The following VWF variants were observed in gnomAD, a reference collection of about 807,000 sequenced individuals.
The protein encoded by VWF is von Willebrand factor.
In VWF, 176 loss-of-function variants were observed where a neutral mutation model predicts 308.6. The ratio of observed to expected loss-of-function variants is 0.57; its 90% CI spans 0.50 to 0.65. VWF has a LOEUF of 0.65. VWF is among the 30% of genes least tolerant of loss of function. VWF has a pLI of 0.00. For synonymous variants in VWF, 1,385 were observed against 1,443.4 expected (o/e 0.96, Z 0.92); for missense variants, 3,146 against 3,648.2 (o/e 0.86, Z 3.55).
Position 5,993,976 on chromosome 12 carries a change from T to C in VWF, c.6484A>G (p.Ile2162Val), listed in dbSNP as rs757791706. The C allele has an allele frequency of 1.9e-6, 3 of 1,614,174 alleles. No homozygotes were observed. The highest frequency in any genetic ancestry group is 1.7e-6 in the Non-Finnish European group (2 of 1,180,030). ...TGGTGGCAACTGTCCTGCTGGCAGA[T>C]GGCATAGAATGTGGCTGGAGCCAGG... The part of the protein sequence containing the change: ...KVLAPATFYA[I>V]CQQDSCHQEQ... The change falls in exon 37 of 52, where the codon ATC becomes GTC. Residue 2162 changes from isoleucine (I) to valine (V), a missense_variant. Physicochemically the swap from Ile to Val is conservative, Grantham distance 29. This residue lies in a region of VWF where 989 missense variants were observed against 1,117.4 expected (regional missense o/e 0.89). Coordinates refer to ENST00000261405, the MANE Select transcript of VWF (RefSeq NM_000552.5).
intron 5 of VWF, among the ~76,000 whole-genome samples, chr12:6,108,881 T>C (rs905641057): frequency 4.0e-5 from 6 of 149,830 alleles, no homozygotes; most frequent in Non-Finnish European, 8.8e-5. Flanking sequence ...CTCGGAAGGC[T>C]GAGGCAGGAG....
Position 5,992,006 on chromosome 12 carries a change from G to A in VWF, c.6611C>T (p.Pro2204Leu), listed in dbSNP as rs777556669. 1.2e-5 allele frequency: 20 copies of A among 1,614,116 alleles called. No individual in the cohort carries two copies. The highest frequency in any genetic ancestry group is 1.6e-4 in the Middle Eastern group (1 of 6,062). The change falls in exon 38 of 52, where the codon CCA becomes CTA. Residue 2204 changes from proline (P) to leucine (L), a missense_variant. By Grantham distance (98) the Pro-to-Leu change is moderately conservative (BLOSUM62 -3). Coordinates refer to ENST00000261405, the MANE Select transcript of VWF (RefSeq NM_000552.5). ...RTPDFCAMSCPPSLVYNHCEH... is the reference protein window; with the variant it reads ...RTPDFCAMSCLPSLVYNHCEH... ...ACAGTGGTTGTAGACCAGAGATGGTGGGCATGACATAGCTGTAGACAGAGA... is the reference window on the plus strand; with the variant it reads ...ACAGTGGTTGTAGACCAGAGATGGTAGGCATGACATAGCTGTAGACAGAGA...
At chr12:6,079,650 T>C (rs1416987486) in intron 6 of VWF, among the ~76,000 whole-genome samples, 1 of 151,612 alleles carries the variant, frequency 6.6e-6, no homozygotes, top group Non-Finnish European at 1.5e-5. Context: ...AGTTGGCGTC[T>C]TGTACTCTCA....
intron 34 of VWF, among the ~76,000 whole-genome samples, chr12:6,003,720 A>T (rs1022279920): frequency 2.6e-5 from 4 of 152,110 alleles, no homozygotes; most frequent in Non-Finnish European, 4.4e-5. Flanking sequence ...ATCATTGTCT[A>T]ATGAATAAAG....
rs566901832 is a variant in VWF, at chr12:6,061,711, T to C, written c.1533+1243A>G. On this transcript the variant is annotated intron_variant, in intron 13 of 51. Coordinates refer to ENST00000261405, the MANE Select transcript of VWF (RefSeq NM_000552.5). ...CGCAGTGGTTCTCAAAGTGTGGTCT[T>C]GAGACCCATAGGGGTCCCTGAGACT... Among the ~76,000 whole-genome samples, 3 of 152,322 alleles carry C rather than the reference T, an allele frequency of 2.0e-5. No homozygotes were observed. The East Asian group carries it at 5.8e-4, about 29-fold the overall frequency.
At position 6,041,162 on chromosome 12, in the gene VWF, G is replaced by C. The variant is rs188909186; in HGVS notation, c.2442+3129C>G. Among the ~76,000 whole-genome samples, 237 of 152,208 alleles carry C rather than the reference G, an allele frequency of 1.6e-3. 2 individuals are homozygous for C. Among genetic ancestry groups the C allele is most frequent in the African/African-American group, 5.3e-3 (222 of 41,562 alleles). On this transcript the variant is annotated intron_variant, in intron 18 of 51. Transcript: ENST00000261405. ...ACATTTTTTAAGGCCGGGCATGGTGGCTCACACCTGTAATCCCAGCACTTT... is the reference window on the plus strand; with the variant it reads ...ACATTTTTTAAGGCCGGGCATGGTGCCTCACACCTGTAATCCCAGCACTTT...
intron 35 of VWF, 138 bp downstream of exon 35, chr12:5,995,864 G>T: frequency 1.3e-6 from 1 of 786,966 alleles, no homozygotes; most frequent in Non-Finnish European, 2.1e-6. Flanking sequence ...CTCTAAGAAA[G>T]TGGTACTCCT....
rs142933549 is a variant in VWF, at chr12:6,044,659, T to C, written c.2282-208A>G. 5.4e-3 allele frequency among the ~76,000 whole-genome samples: 826 copies of C among 152,284 alleles called. 8 individuals carry two copies. Among genetic ancestry groups the C allele is most frequent in the African/African-American group, 0.019 (780 of 41,532 alleles). On this transcript the variant is annotated intron_variant, in intron 17 of 51. Transcript: ENST00000261405. Reference sequence around the variant, plus strand: ...CTGGGCTTCTGACCTCTGGCTTACATTGGTGGCAGCTCTTCTGACCCCAGC... The same window carrying C: ...CTGGGCTTCTGACCTCTGGCTTACACTGGTGGCAGCTCTTCTGACCCCAGC...
chr12:6,095,671 T>G, intron 5 of VWF, 87 bp from the exon 6 acceptor site: 1 of 1,592,816 alleles, frequency 6.3e-7, no homozygotes. Flanking sequence ...GCTGGTGGTT[T>G]TGTGTGTTTT....
At chr12:6,072,870 C>CTTT (rs11386491) in intron 8 of VWF, among the ~76,000 whole-genome samples, 5 of 146,432 alleles carry the variant, frequency 3.4e-5, no homozygotes, top group East Asian at 2.0e-4. Flanking sequence ...CTCTCAATAA[C>CTTT]TTTTTTTTTT....
Position 5,949,874 on chromosome 12 carries a change from G to T in VWF, c.8165C>A (p.Pro2722His). Reference sequence around the variant, plus strand: ...CCTGGCAGTGATGTCGTTGCACTCAGGCTCCTCACCTACAGGACAGGTGAG... The same window carrying T: ...CCTGGCAGTGATGTCGTTGCACTCATGCTCCTCACCTACAGGACAGGTGAG... ...PGTCCDTCEEPECNDITARLQ... is the reference protein window; with the variant it reads ...PGTCCDTCEEHECNDITARLQ... Residue 2722 changes from proline (P) to histidine (H), a missense_variant, in exon 51 of 52, where the codon CCT (proline) becomes CAT (histidine). Physicochemically the swap from Pro to His is moderately conservative, Grantham distance 77 (BLOSUM62 -2). Coordinates refer to ENST00000261405, the MANE Select transcript of VWF (RefSeq NM_000552.5). The T allele has an allele frequency of 6.2e-7, 1 of 1,613,536 alleles. No individual in the cohort carries two copies. Among genetic ancestry groups the T allele is most frequent in the Non-Finnish European group, 8.5e-7 (1 of 1,180,014 alleles).
Position 5,991,741 on chromosome 12 carries a change from CA to C in VWF, c.6798+77del, listed in dbSNP as rs562203346. On this transcript the variant is annotated intron_variant, in intron 38 of 51. Coordinates refer to ENST00000261405, the MANE Select transcript of VWF (RefSeq NM_000552.5). ...CCCTGCTGCCACAGTTGGAAGAGGCCAATCACTGGTGAACATATCTCCCTTT... is the reference window on the plus strand; with the variant it reads ...CCCTGCTGCCACAGTTGGAAGAGGCCATCACTGGTGAACATATCTCCCTTT... The C allele has an allele frequency of 4.7e-5, 70 of 1,505,346 alleles. No individual in the cohort carries two copies. In the East Asian group the frequency reaches 1.6e-3, roughly 33 times the overall value. 93.2% of individuals were successfully genotyped at this position (1,505,346 alleles called of 1,614,324 possible).
intron 17 of VWF, among the ~76,000 whole-genome samples, 184 bp from the exon 18 acceptor site, chr12:6,044,635 T>C (rs1944429579): frequency 6.6e-6 from 1 of 152,202 alleles, no homozygotes. Context: ...TCTTCTCACC[T>C]GGGCTTCTGA....
At chr12:5,951,786 G>A in intron 50 of VWF, 58 bp downstream of exon 50, 1 of 1,591,124 alleles carries the variant, frequency 6.3e-7, no homozygotes. Context: ...AAGCTGCAAA[G>A]AGCCCCTGGA....
intron 2 of VWF, among the ~76,000 whole-genome samples, chr12:6,121,855 C>T (rs1021551175): frequency 2.0e-5 from 3 of 151,498 alleles, no homozygotes; most frequent in Non-Finnish European, 4.4e-5. Flanking sequence ...CACTTGAGCC[C>T]AGGAGGCAGA....
intron 43 of VWF, among the ~76,000 whole-genome samples, chr12:5,974,289 A>T (rs577294978): frequency 6.6e-6 from 1 of 152,270 alleles, no homozygotes; most frequent in South Asian, 2.1e-4. Context: ...ATTTTAAACC[A>T]TGAGGCTCCC....
intron 13 of VWF, among the ~76,000 whole-genome samples, chr12:6,059,878 C>T (rs148966523): frequency 1.7e-3 from 253 of 152,336 alleles, no homozygotes; most frequent in African/African-American, 5.9e-3. Flanking sequence ...ATGCAATGCC[C>T]GCAGTCAGGG....
intron 10 of VWF, 43 bp downstream of exon 10, chr12:6,071,254 C>A (rs372381104): frequency 6.2e-7 from 1 of 1,611,582 alleles, no homozygotes. Flanking sequence ...GACGCCTCCC[C>A]GATTCAGGGA....
intron 20 of VWF, among the ~76,000 whole-genome samples, chr12:6,032,723 GACACACACACCC>G (rs921222080): frequency 1.3e-5 from 2 of 151,618 alleles, no homozygotes; most frequent in African/African-American, 4.8e-5. Flanking sequence ...TTACCTTTCT[GACACACACACCC>G]ACACACACAC....
Sources: gnomAD v4.1 joint callset for allele counts (sites outside exome capture counted in the v4.1 genomes callset) on GRCh38, gnomAD v4.1.1 for gene constraint, gnomAD v4.1.1 regional missense constraint, MANE v1.5 for transcripts, NCBI Gene and HGNC (gene_info 2026-07-23, HGNC 2026-07-21) for gene names.